The following SDC3 variants were observed in gnomAD, a reference collection of about 807,000 sequenced individuals.
SDC3 encodes syndecan-3.
In SDC3, 13 loss-of-function variants were observed where a neutral mutation model predicts 24.4. That is an observed-to-expected ratio of 0.53 (90% CI 0.35 to 0.85). SDC3 has a LOEUF of 0.85. Ranked by LOEUF, SDC3 falls within the 40% of genes least tolerant of loss-of-function variation. The pLI, the probability that SDC3 is intolerant of heterozygous loss-of-function variation, is 0.01. For missense variants in SDC3, 571 were observed against 584.5 expected (o/e 0.98, Z 0.24); for synonymous variants, 295 against 260.9 (o/e 1.13, Z -1.26).
At chr1:30,904,870 G>C (rs764722455) in intron 1 of SDC3, among the ~76,000 whole-genome samples, 1 of 152,054 alleles carries the variant, frequency 6.6e-6, no homozygotes, top group Non-Finnish European at 1.5e-5. Flanking sequence ...AGGTGTGCTC[G>C]GTCTACTCAA....
intron 4 of SDC3, among the ~76,000 whole-genome samples, 191 bp from the exon 5 acceptor site, chr1:30,873,568 G>A (rs558017092): frequency 8.5e-5 from 13 of 152,050 alleles, no homozygotes; most frequent in East Asian, 5.8e-4. Flanking sequence ...CATTCTAATC[G>A]CCCAACACAC....
intron 2 of SDC3, 180 bp from the exon 3 acceptor site, chr1:30,877,345 T>G: frequency 1.2e-6 from 1 of 804,960 alleles, no homozygotes; most frequent in Middle Eastern, 2.7e-4. Context: ...GGTCAGTTGC[T>G]GATGTTCCCC....
chr1:30,881,248 G>A (rs1639739360), intron 1 of SDC3: 1 of 152,874 alleles, frequency 6.5e-6, no homozygotes, highest in African/African-American at 2.4e-5. Flanking sequence ...CTGTACACAT[G>A]CCCTAGGGTA....
In SDC3 at chr1:30,873,123, G is replaced by A; in HGVS notation, c.*88C>T. On this transcript the variant is annotated 3_prime_UTR_variant, in exon 5 of 5. Coordinates refer to ENST00000339394, the MANE Select transcript of SDC3 (RefSeq NM_014654.4). Reference sequence around the variant, plus strand: ...GAGAAGAACTGGGGCCAGGTTCCAGGCCCAGTCCCAGGCTTGGGCTGGTGG... The same window carrying A: ...GAGAAGAACTGGGGCCAGGTTCCAGACCCAGTCCCAGGCTTGGGCTGGTGG... The A allele has an allele frequency of 1.0e-6, 1 of 965,038 alleles. No individual in the cohort carries two copies. The highest frequency in any genetic ancestry group is 1.6e-6 in the Non-Finnish European group (1 of 609,908). 59.8% of individuals were successfully genotyped at this position (965,038 alleles called of 1,614,324 possible).
chr1:30,891,101 AC>A (rs2124329993), intron 1 of SDC3, among the ~76,000 whole-genome samples: 1 of 151,466 alleles, frequency 6.6e-6, no homozygotes, highest in African/African-American at 2.4e-5. Context: ...GCCCCACCCC[AC>A]CCTTTGACCA....
intron 1 of SDC3, among the ~76,000 whole-genome samples, chr1:30,899,403 C>T (rs1208800077): frequency 6.6e-6 from 1 of 151,846 alleles, no homozygotes; most frequent in African/African-American, 2.4e-5. Flanking sequence ...TTGAGACAGT[C>T]GCGCTCTGTC....
intron 1 of SDC3, 96 bp downstream of exon 1, chr1:30,908,353 G>A (rs1228512088): frequency 1.5e-6 from 1 of 666,612 alleles, no homozygotes; most frequent in Non-Finnish European, 1.8e-6. Flanking sequence ...GGGAGGGAGC[G>A]GGGTCCCGGA....
At chr1:30,882,772 CCAT>C (rs755441161) in intron 1 of SDC3, among the ~76,000 whole-genome samples, 4 of 152,326 alleles carry the variant, frequency 2.6e-5, no homozygotes, top group Non-Finnish European at 5.9e-5. Context: ...CCCCACACCA[CCAT>C]GAGCCTTCCT....
chr1:30,877,487 C>T (rs1639665391), intron 2 of SDC3: 2 of 559,932 alleles, frequency 3.6e-6, no homozygotes, highest in Non-Finnish European at 6.4e-6. Flanking sequence ...GCGCTACTGG[C>T]TGCAAAACTT....
At position 30,869,802 on chromosome 1, in the gene SDC3, G is replaced by C; in HGVS notation, c.*3409C>G. 1 of 398,622 alleles carries C rather than the reference G, an allele frequency of 2.5e-6. No homozygotes were observed. The highest frequency in any genetic ancestry group is 4.4e-6 in the Non-Finnish European group (1 of 226,110). 24.7% of individuals were successfully genotyped at this position (398,622 alleles called of 1,614,324 possible). A position where few individuals can be genotyped will look rare whatever the true frequency, so the allele number is the denominator to read the frequency against. On this transcript the variant is annotated 3_prime_UTR_variant, in exon 5 of 5. Transcript: ENST00000339394. Reference sequence around the variant, plus strand: ...CCAGGCAGGTTCTGTACAGGAGAAAGGACTCACAGGAGGGAGGGACACTGT... The same window carrying C: ...CCAGGCAGGTTCTGTACAGGAGAAACGACTCACAGGAGGGAGGGACACTGT...
chr1:30,888,840 C>T (rs1015098909), intron 1 of SDC3, among the ~76,000 whole-genome samples: 6 of 152,226 alleles, frequency 3.9e-5, no homozygotes, highest in Admixed American at 3.9e-4. Context: ...GAAGTCACCA[C>T]CACCATCACC....
intron 1 of SDC3, among the ~76,000 whole-genome samples, chr1:30,896,017 G>A (rs1345768577): frequency 5.3e-5 from 8 of 152,086 alleles, no homozygotes; most frequent in Non-Finnish European, 1.2e-4. Flanking sequence ...AGGCTCCAGT[G>A]CACCTCTCCC....
chr1:30,904,140 G>A (rs930966946), intron 1 of SDC3, among the ~76,000 whole-genome samples: 13 of 152,216 alleles, frequency 8.5e-5, no homozygotes, highest in Admixed American at 5.9e-4. Context: ...TGGGAGAATC[G>A]CTTGTACTCA....
chr1:30,908,325 C>T, intron 1 of SDC3, 124 bp downstream of exon 1: 2 of 348,146 alleles, frequency 5.7e-6, no homozygotes, highest in Non-Finnish European at 6.7e-6. Context: ...ACCGCGGCCC[C>T]GGGGGAAGCA....
At chr1:30,879,121 C>T (rs1015727310) in intron 1 of SDC3, 143 of 182,726 alleles carry the variant, frequency 7.8e-4, no homozygotes, top group African/African-American at 3.2e-3. Context: ...TGTGAGCAGG[C>T]GAGGGCTGGA....
chr1:30,882,281 G>A lies in SDC3; in HGVS notation c.139-3541C>T, dbSNP rs371910804. ...CACACACACATCGGGATGAAATGTG[G>A]CACCCTTCCTAGTGGACTGATGCCC... On this transcript the variant is annotated intron_variant, in intron 1 of 4. Coordinates refer to ENST00000339394, the MANE Select transcript of SDC3 (RefSeq NM_014654.4). 5.9e-5 allele frequency among the ~76,000 whole-genome samples: 9 copies of A among 152,248 alleles called. No homozygotes were observed. The East Asian group carries it at 1.3e-3, about 23-fold the overall frequency.
chr1:30,889,378 G>A (rs908844397), intron 1 of SDC3, among the ~76,000 whole-genome samples: 36 of 152,214 alleles, frequency 2.4e-4, no homozygotes, highest in African/African-American at 6.0e-4. Flanking sequence ...CTGAAGCACT[G>A]GTTCCCACAC....
At chr1:30,894,002 C>A (rs979608366) in intron 1 of SDC3, among the ~76,000 whole-genome samples, 4 of 152,168 alleles carry the variant, frequency 2.6e-5, no homozygotes, top group African/African-American at 9.7e-5. Flanking sequence ...ACTGCTCCTG[C>A]CTTAATCACC....
In SDC3 at chr1:30,876,720, G is replaced by C; in HGVS notation, c.702C>G (p.Thr234=). 1 of 1,595,556 alleles carries C rather than the reference G, an allele frequency of 6.3e-7. No homozygotes were observed. The highest frequency in any genetic ancestry group is 1.1e-5 in the South Asian group (1 of 88,836). Residue 234 remains threonine (T), a synonymous_variant, in exon 3 of 5, where the codon ACC becomes ACG. Coordinates refer to ENST00000339394, the MANE Select transcript of SDC3 (RefSeq NM_014654.4). ...CCTCGGTGTCCAAGACAGCCGCCGTGGTGGGCGGGGAGGGCGCCTCGGGGG... is the reference window on the plus strand; with the variant it reads ...CCTCGGTGTCCAAGACAGCCGCCGTCGTGGGCGGGGAGGGCGCCTCGGGGG... ...ATTPEAPSPP[T]TAAVLDTEAP...
Sources: gnomAD v4.1 joint callset for allele counts (sites outside exome capture counted in the v4.1 genomes callset) on GRCh38, gnomAD v4.1.1 for gene constraint, MANE v1.5 for transcripts, NCBI Gene and HGNC (gene_info 2026-07-23, HGNC 2026-07-21) for gene names.